The following C3orf80 variants were observed in gnomAD, a reference collection of about 807,000 sequenced individuals.
C3orf80 encodes uncharacterized membrane protein C3orf80.
C3orf80 carries 10 observed loss-of-function variants against 15.8 expected under a neutral mutation model. The ratio of observed to expected loss-of-function variants is 0.63; its 90% confidence interval spans 0.39 to 1.07. The LOEUF is 1.07. C3orf80 is among the 50% of genes least tolerant of loss of function. The pLI is 0.01. For synonymous variants in C3orf80, 183 were observed against 192.0 expected, an observed-to-expected ratio of 0.95 and a Z score of 0.39; for missense variants, 364 against 379.3, an observed-to-expected ratio of 0.96 and a Z score of 0.34.
rs1206087289 is a variant in C3orf80 at position 160,225,591 on chromosome 3, T to TC, written c.-41dup. 4 of 1,268,174 alleles carry TC rather than the reference T, an allele frequency of 3.2e-6. No individual in the cohort carries two copies. The East Asian group carries it at 1.3e-4, about 41-fold the overall frequency. 78.6% of individuals were successfully genotyped at this position (1,268,174 alleles called of 1,614,324 possible). On this transcript the variant is annotated 5_prime_UTR_variant, in exon 1 of 1. Coordinates refer to ENST00000326474, the MANE Select transcript of C3orf80 (RefSeq NM_001168214.2). This position sits in a 1 kb window ranked among gnomAD's most constrained non-coding sequence, Gnocchi z 5.6. ...CCGACGGACGCGAGGGCGGACGGAC[T>TC]CCCCAGCCTCCCGTCCCGGACGTTA... is the stretch of plus-strand genomic sequence containing the variant.
At position 160,225,926 on chromosome 3, in the gene C3orf80, C is replaced by T. The variant is rs974694838; in HGVS notation, c.291C>T (p.Phe97=). ...TGGTGCTCTTCGCCATCGGCTATTT[C>T]CTGCAGCGCATCATCTGCCCCAGTC... The part of the protein sequence containing the change: ...ILLVLFAIGY[F]LQRIICPSPR... Residue 97 remains phenylalanine, a synonymous_variant, in exon 1 of 1, where the codon TTC becomes TTT. Coordinates refer to ENST00000326474, the MANE Select transcript of C3orf80 (RefSeq NM_001168214.2). This position sits in a 1 kb window ranked among gnomAD's most constrained non-coding sequence, Gnocchi z 5.6. 2 of 1,464,728 alleles carry T rather than the reference C, an allele frequency of 1.4e-6. No individual in the cohort carries two copies. The highest frequency in any genetic ancestry group is 2.9e-5 in the African/African-American group (2 of 68,118). The allele number at this position is 1,464,728 out of a possible 1,614,324, so 90.7% of individuals were successfully genotyped here.
Position 160,226,329 on chromosome 3 carries a change from G to A in C3orf80, c.694G>A (p.Gly232Arg). 2 of 1,503,194 alleles carry A rather than the reference G, an allele frequency of 1.3e-6. No individual in the cohort carries two copies. The highest frequency in any genetic ancestry group is 1.8e-6 in the Non-Finnish European group (2 of 1,131,566). The allele number at this position is 1,503,194 out of a possible 1,614,324, so 93.1% of individuals were successfully genotyped here. Residue 232 changes from glycine (G) to arginine (R), a missense_variant, in exon 1 of 1, where the codon GGG becomes AGG. Transcript: ENST00000326474. The surrounding 1 kb of genome is among the most constrained non-coding windows in gnomAD (Gnocchi z 5.2). ...GTCGGTGCTTGGCCGCCCTCGAGGCGGGGTCGCCGCGGAGCCCGACGGCGG... is the reference window on the plus strand; with the variant it reads ...GTCGGTGCTTGGCCGCCCTCGAGGCAGGGTCGCCGCGGAGCCCGACGGCGG... ...PVSVLGRPRG[G>R]VAAEPDGGEG...
rs1345640578 is a variant in C3orf80, at chr3:160,228,113, T to C, written c.*1734T>C. On this transcript the variant is annotated 3_prime_UTR_variant, in exon 1 of 1. Transcript: ENST00000326474. Reference sequence around the variant, plus strand: ...AATTGTAATAAAAAAATGGTTTACTTTAAACTTCTAAAAACTAATGACCTT... The same window carrying C: ...AATTGTAATAAAAAAATGGTTTACTCTAAACTTCTAAAAACTAATGACCTT... The C allele has an allele frequency of 2.0e-5, 3 of 152,184 alleles. No homozygotes were observed. The highest frequency in any genetic ancestry group is 7.2e-5 in the African/African-American group (3 of 41,470). 9.4% of individuals were successfully genotyped at this position (152,184 alleles called of 1,614,324 possible). A position where few individuals can be genotyped will look rare whatever the true frequency, so the allele number is the denominator to read the frequency against.
Position 160,226,118 on chromosome 3 carries a change from CGGCGGCGGCCGGGGCCGGGGA to C in C3orf80, c.492_512del (p.Gly166_Arg172del). 6.6e-7 allele frequency: 1 copy of C among 1,516,332 alleles called. No homozygotes were observed. The highest frequency in any genetic ancestry group is 1.2e-5 in the South Asian group (1 of 82,102). The allele number at this position is 1,516,332 out of a possible 1,614,324, so 93.9% of individuals were successfully genotyped here. On this transcript the variant is annotated inframe_deletion, in exon 1 of 1. Transcript: ENST00000326474. This position sits in a 1 kb window ranked among gnomAD's most constrained non-coding sequence, Gnocchi z 5.2. ...CTCAGGACTCACTGCTGGACAGTGG[CGGCGGCGGCCGGGGCCGGGGA>C]GGCGGCGGGCGCTCGGACCCCTCCT...
rs981187147 is a variant in C3orf80, at chr3:160,225,833, G to A, written c.198G>A (p.Leu66=). Reference sequence around the variant, plus strand: ...CCACGGCGGTGCGCTGCTGCAAGCTGCCGCTGCACGCCTTCCTGGACAACG... The same window carrying A: ...CCACGGCGGTGCGCTGCTGCAAGCTACCGCTGCACGCCTTCCTGGACAACG... ...TNATAVRCCK[L]PLHAFLDNVG... The change falls in exon 1 of 1, where the codon CTG becomes CTA. Residue 66 remains leucine, a synonymous_variant. Transcript: ENST00000326474. This position sits in a 1 kb window ranked among gnomAD's most constrained non-coding sequence, Gnocchi z 5.6. 10 of 1,482,418 alleles carry A rather than the reference G, an allele frequency of 6.7e-6. No individual in the cohort carries two copies. In the East Asian group the frequency reaches 8.8e-5, roughly 13 times the overall value. 91.8% of individuals were successfully genotyped at this position (1,482,418 alleles called of 1,614,324 possible).
In C3orf80 at chr3:160,226,595, C is replaced by A; in HGVS notation, c.*216C>A. ...CGTTCAAAGAAACGTGGGGCACGCG[C>A]GGCGGGTGCGGCTGCAGCAGGCGAC... On this transcript the variant is annotated 3_prime_UTR_variant, in exon 1 of 1. Transcript: ENST00000326474. The surrounding 1 kb of genome is among the most constrained non-coding windows in gnomAD (Gnocchi z 5.2). The A allele has an allele frequency of 2.0e-6, 1 of 495,994 alleles. No individual in the cohort carries two copies. Among genetic ancestry groups the A allele is most frequent in the African/African-American group, 2.0e-5 (1 of 49,686 alleles). The allele number at this position is 495,994 out of a possible 1,614,324, so 30.7% of individuals were successfully genotyped here.
rs760796906 is a variant in C3orf80, at chr3:160,225,423, G to A, written c.-213G>A. On this transcript the variant is annotated 5_prime_UTR_variant, in exon 1 of 1. Coordinates refer to ENST00000326474, the MANE Select transcript of C3orf80 (RefSeq NM_001168214.2). This position sits in a 1 kb window ranked among gnomAD's most constrained non-coding sequence, Gnocchi z 5.6. ...GCTCGGGAAGCTGCTTGGGCCGCCA[G>A]TAGCAGCCGCCTCCCGCAGCCTCCG... 1 of 399,910 alleles carries A rather than the reference G, an allele frequency of 2.5e-6. No individual in the cohort carries two copies. 24.8% of individuals were successfully genotyped at this position (399,910 alleles called of 1,614,324 possible).
In C3orf80 at chr3:160,226,011, GC is replaced by G; in HGVS notation, c.378del (p.Gly127AspfsTer59). ...ACAGCGGCCCGGGCCTCCGGGGGGC[GC>G]CGGACCGCTGGGGGGCGCGGGGCCG... The part of the protein sequence containing the change: ...PGQRPGPPGG[A>X]GPLGGAGPPD... On this transcript the variant is annotated frameshift_variant, in exon 1 of 1. Coordinates refer to ENST00000326474, the MANE Select transcript of C3orf80 (RefSeq NM_001168214.2). LOFTEE classifies it high-confidence loss of function. The surrounding 1 kb of genome is among the most constrained non-coding windows in gnomAD (Gnocchi z 5.2). 7.5e-7 allele frequency: 1 copy of G among 1,327,278 alleles called. No individual in the cohort carries two copies. 82.2% of individuals were successfully genotyped at this position (1,327,278 alleles called of 1,614,324 possible).
chr3:160,226,473 G>T lies in C3orf80; in HGVS notation c.*94G>T. On this transcript the variant is annotated 3_prime_UTR_variant, in exon 1 of 1. Coordinates refer to ENST00000326474, the MANE Select transcript of C3orf80 (RefSeq NM_001168214.2). The surrounding 1 kb of genome is among the most constrained non-coding windows in gnomAD (Gnocchi z 5.2). ...CGCCAACTGCCTCAGACCTTATCTG[G>T]CACCCTGGCCTAACTGCCCGGCACC... The T allele has an allele frequency of 7.6e-7, 1 of 1,313,482 alleles. No individual in the cohort carries two copies. Among genetic ancestry groups the T allele is most frequent in the Non-Finnish European group, 9.8e-7 (1 of 1,019,512 alleles). 81.4% of individuals were successfully genotyped at this position (1,313,482 alleles called of 1,614,324 possible).
At position 160,225,765 on chromosome 3, in the gene C3orf80, C is replaced by A; in HGVS notation, c.130C>A (p.Leu44Met). 1 of 1,436,636 alleles carries A rather than the reference C, an allele frequency of 7.0e-7. No homozygotes were observed. The highest frequency in any genetic ancestry group is 1.4e-5 in the South Asian group (1 of 71,678). 89.0% of individuals were successfully genotyped at this position (1,436,636 alleles called of 1,614,324 possible). Residue 44 changes from leucine to methionine, a missense_variant, in exon 1 of 1, where the codon CTG becomes ATG. Coordinates refer to ENST00000326474, the MANE Select transcript of C3orf80 (RefSeq NM_001168214.2). This position sits in a 1 kb window ranked among gnomAD's most constrained non-coding sequence, Gnocchi z 5.6. ...GCGGGGCGGCGGGGGCTGCGCTGAGCTGGCGTGCGGCGAGCGGGAGCGCTG... is the reference window on the plus strand; with the variant it reads ...GCGGGGCGGCGGGGGCTGCGCTGAGATGGCGTGCGGCGAGCGGGAGCGCTG... Reference protein sequence around the residue: ...PSRGGGGCAELACGERERCCD... With the variant: ...PSRGGGGCAEMACGERERCCD...
rs1195763550 is a variant in C3orf80 at position 160,226,199 on chromosome 3, G to A, written c.564G>A (p.Pro188=). 7.2e-6 allele frequency: 11 copies of A among 1,530,424 alleles called. 1 individual carries two copies. The highest frequency in any genetic ancestry group is 5.0e-5 in the East Asian group (2 of 40,154). 94.8% of individuals were successfully genotyped at this position (1,530,424 alleles called of 1,614,324 possible). Residue 188 remains proline (P), a synonymous_variant, in exon 1 of 1, where the codon CCG becomes CCA. Coordinates refer to ENST00000326474, the MANE Select transcript of C3orf80 (RefSeq NM_001168214.2). This position sits in a 1 kb window ranked among gnomAD's most constrained non-coding sequence, Gnocchi z 5.2. ...ASEHEMRVVS[P]VFLQLPSYEE... is the part of the protein sequence containing the mutation. ...AGCACGAGATGCGTGTAGTGTCGCC[G>A]GTCTTCCTGCAGCTGCCCAGCTACG...
Position 160,226,478 on chromosome 3 carries a change from C to G in C3orf80, c.*99C>G. On this transcript the variant is annotated 3_prime_UTR_variant, in exon 1 of 1. Coordinates refer to ENST00000326474, the MANE Select transcript of C3orf80 (RefSeq NM_001168214.2). This position sits in a 1 kb window ranked among gnomAD's most constrained non-coding sequence, Gnocchi z 5.2. The stretch of plus-strand genomic sequence containing the variant: ...ACTGCCTCAGACCTTATCTGGCACC[C>G]TGGCCTAACTGCCCGGCACCCCGCG... 1 of 1,256,778 alleles carries G rather than the reference C, an allele frequency of 8.0e-7. No homozygotes were observed. Among genetic ancestry groups the G allele is most frequent in the Non-Finnish European group, 1.0e-6 (1 of 971,140 alleles). 77.9% of individuals were successfully genotyped at this position (1,256,778 alleles called of 1,614,324 possible). A position where few individuals can be genotyped will look rare whatever the true frequency, so the allele number is the denominator to read the frequency against.
At position 160,225,495 on chromosome 3, in the gene C3orf80, T is replaced by A. The variant is rs1221549849; in HGVS notation, c.-141T>A. The A allele has an allele frequency of 1.2e-6, 1 of 816,956 alleles. No homozygotes were observed. The highest frequency in any genetic ancestry group is 1.8e-5 in the African/African-American group (1 of 55,486). 50.6% of individuals were successfully genotyped at this position (816,956 alleles called of 1,614,324 possible). A position where few individuals can be genotyped will look rare whatever the true frequency, so the allele number is the denominator to read the frequency against. On this transcript the variant is annotated 5_prime_UTR_variant, in exon 1 of 1. Transcript: ENST00000326474. This position sits in a 1 kb window ranked among gnomAD's most constrained non-coding sequence, Gnocchi z 5.6. Reference sequence around the variant, plus strand: ...CGCCCAAGCGTGGCCAAGTGAGGACTGCTCCGGCCGCAGGTAGCTGAGGCG... The same window carrying A: ...CGCCCAAGCGTGGCCAAGTGAGGACAGCTCCGGCCGCAGGTAGCTGAGGCG...
At position 160,226,337 on chromosome 3, in the gene C3orf80, C is replaced by T; in HGVS notation, c.702C>T (p.Ala234=). The change falls in exon 1 of 1, where the codon GCC becomes GCT. Residue 234 remains alanine (A), a synonymous_variant. Coordinates refer to ENST00000326474, the MANE Select transcript of C3orf80 (RefSeq NM_001168214.2). The surrounding 1 kb of genome is among the most constrained non-coding windows in gnomAD (Gnocchi z 5.2). Reference sequence around the variant, plus strand: ...TTGGCCGCCCTCGAGGCGGGGTCGCCGCGGAGCCCGACGGCGGCGAGGGCC... The same window carrying T: ...TTGGCCGCCCTCGAGGCGGGGTCGCTGCGGAGCCCGACGGCGGCGAGGGCC... The part of the protein sequence containing the change: ...SVLGRPRGGV[A]AEPDGGEGRY... 6.7e-7 allele frequency: 1 copy of T among 1,499,200 alleles called. No individual in the cohort carries two copies. Among genetic ancestry groups the T allele is most frequent in the Non-Finnish European group, 8.9e-7 (1 of 1,129,394 alleles). The allele number at this position is 1,499,200 out of a possible 1,614,324, so 92.9% of individuals were successfully genotyped here. A position where few individuals can be genotyped will look rare whatever the true frequency, so the allele number is the denominator to read the frequency against.
chr3:160,226,668 T>C lies in C3orf80; in HGVS notation c.*289T>C, dbSNP rs1242315804. 2.7e-6 allele frequency: 1 copy of C among 373,986 alleles called. No individual in the cohort carries two copies. Among genetic ancestry groups the C allele is most frequent in the African/African-American group, 2.1e-5 (1 of 47,764 alleles). 23.2% of individuals were successfully genotyped at this position (373,986 alleles called of 1,614,324 possible). A position where few individuals can be genotyped will look rare whatever the true frequency, so the allele number is the denominator to read the frequency against. ...CGTCCCTGCCCTCTGCCTTGCCTCG[T>C]ATTGTGGTTCACTAGTAAGTGCCTG... is the stretch of plus-strand genomic sequence containing the variant. On this transcript the variant is annotated 3_prime_UTR_variant, in exon 1 of 1. Coordinates refer to ENST00000326474, the MANE Select transcript of C3orf80 (RefSeq NM_001168214.2). The surrounding 1 kb of genome is among the most constrained non-coding windows in gnomAD (Gnocchi z 5.2).
rs1030191038 is a variant in C3orf80, at chr3:160,227,270, T to C, written c.*891T>C. ...CAGGAAATTGCCCATACTCTGTCAT[T>C]ATTGTTTAATAAATCATTAAATTAT... On this transcript the variant is annotated 3_prime_UTR_variant, in exon 1 of 1. Coordinates refer to ENST00000326474, the MANE Select transcript of C3orf80 (RefSeq NM_001168214.2). 6.6e-6 allele frequency: 1 copy of C among 152,250 alleles called. No homozygotes were observed. Among genetic ancestry groups the C allele is most frequent in the Non-Finnish European group, 1.5e-5 (1 of 68,040 alleles). 9.4% of individuals were successfully genotyped at this position (152,250 alleles called of 1,614,324 possible).
rs1045896788 is a variant in C3orf80, at chr3:160,225,552, G to A, written c.-84G>A. On this transcript the variant is annotated 5_prime_UTR_variant, in exon 1 of 1. Transcript: ENST00000326474. The surrounding 1 kb of genome is among the most constrained non-coding windows in gnomAD (Gnocchi z 5.6). The stretch of plus-strand genomic sequence containing the variant: ...GCGGCGCGCGCGGGACCCGAGCGGA[G>A]CGCCGGGGAGGGGCCGACGGACGCG... The A allele has an allele frequency of 1.2e-5, 14 of 1,206,410 alleles. No individual in the cohort carries two copies. In the African/African-American group the frequency reaches 2.1e-4, roughly 18 times the overall value. 74.7% of individuals were successfully genotyped at this position (1,206,410 alleles called of 1,614,324 possible).
In C3orf80 at chr3:160,226,673, T is replaced by A. The variant is rs1711500715; in HGVS notation, c.*294T>A. On this transcript the variant is annotated 3_prime_UTR_variant, in exon 1 of 1. Transcript: ENST00000326474. This position sits in a 1 kb window ranked among gnomAD's most constrained non-coding sequence, Gnocchi z 5.2. ...CTGCCCTCTGCCTTGCCTCGTATTG[T>A]GGTTCACTAGTAAGTGCCTGCTTCC... is the stretch of plus-strand genomic sequence containing the variant. The A allele has an allele frequency of 8.2e-6, 3 of 365,104 alleles. No individual in the cohort carries two copies. 22.6% of individuals were successfully genotyped at this position (365,104 alleles called of 1,614,324 possible).
rs1711513902 is a variant in C3orf80, at chr3:160,227,778, A to G, written c.*1399A>G. 1 of 152,230 alleles carries G rather than the reference A, an allele frequency of 6.6e-6. No homozygotes were observed. The highest frequency in any genetic ancestry group is 2.4e-5 in the African/African-American group (1 of 41,458). The allele number at this position is 152,230 out of a possible 1,614,324, so 9.4% of individuals were successfully genotyped here. On this transcript the variant is annotated 3_prime_UTR_variant, in exon 1 of 1. Transcript: ENST00000326474. ...TTAATACATTGTGTGTAATGTACAT[A>G]TGCATATTGTCTATGTACTATATAC...
Sources: gnomAD v4.1 joint callset for allele counts on GRCh38, gnomAD v4.1.1 for gene constraint, Gnocchi (gnomAD v3.1) non-coding constraint, MANE v1.5 for transcripts, NCBI Gene and HGNC (gene_info 2026-07-23, HGNC 2026-07-21) for gene names.